CNTN3: variants seen among roughly 807,000 people sequenced by gnomAD.
The protein encoded by CNTN3 is contactin-3.
CNTN3 carries 60 observed loss-of-function variants against 119.1 expected under a neutral mutation model. The ratio of observed to expected loss-of-function variants is 0.50; its 90% confidence interval spans 0.41 to 0.62. The LOEUF is 0.62. Ranked by LOEUF, CNTN3 falls within the 20% of genes least tolerant of loss-of-function variation. The pLI, the probability that CNTN3 is intolerant of heterozygous loss-of-function variation, is 0.00. For missense variants in CNTN3, 1,101 were observed against 1,242.4 expected, an observed-to-expected ratio of 0.89 and a Z score of 1.71; for synonymous variants, 450 against 438.7, an observed-to-expected ratio of 1.03 and a Z score of -0.32.
chr3:74,331,096 C>T (rs1369536503), intron 13 of CNTN3, among the ~76,000 whole-genome samples: 1 of 152,128 alleles, frequency 6.6e-6, no homozygotes, highest in Non-Finnish European at 1.5e-5. Flanking sequence ...CTAATGTTTT[C>T]AGTAGTGTAC....
chr3:74,423,484 G>C (rs924469444), intron 5 of CNTN3, among the ~76,000 whole-genome samples: 4 of 152,140 alleles, frequency 2.6e-5, no homozygotes, highest in Non-Finnish European at 5.9e-5. Context: ...GTGAGAGCTG[G>C]AGGCCATCCA....
intron 18 of CNTN3, 40 bp downstream of exon 18, chr3:74,297,917 A>G: frequency 6.9e-7 from 1 of 1,452,510 alleles, no homozygotes; most frequent in Non-Finnish European, 9.5e-7. Flanking sequence ...ACAAATAATT[A>G]TTATTAGGCG....
At chr3:74,409,723 T>A (rs1446990894) in intron 5 of CNTN3, among the ~76,000 whole-genome samples, 1 of 152,158 alleles carries the variant, frequency 6.6e-6, no homozygotes, top group African/African-American at 2.4e-5. Flanking sequence ...AGGTTATCTG[T>A]TTAATGCCAT....
chr3:74,349,933 A>G (rs1277312494), intron 11 of CNTN3, among the ~76,000 whole-genome samples: 2 of 152,208 alleles, frequency 1.3e-5, no homozygotes, highest in African/African-American at 4.8e-5. Flanking sequence ...AGTAGATTCA[A>G]ATCCCCAGCA....
chr3:74,331,188 C>T (rs921992809), intron 13 of CNTN3, among the ~76,000 whole-genome samples: 1 of 152,218 alleles, frequency 6.6e-6, no homozygotes, highest in African/African-American at 2.4e-5. Context: ...ACTCCATTCA[C>T]AGTAAGTGCC....
chr3:74,588,635 C>T (rs1038404910), intron 1 of CNTN3, among the ~76,000 whole-genome samples: 11 of 152,034 alleles, frequency 7.2e-5, no homozygotes, highest in African/African-American at 1.9e-4. Flanking sequence ...CAAAAAAGAG[C>T]CCGCATCACC....
intron 20 of CNTN3, among the ~76,000 whole-genome samples, chr3:74,273,720 G>C (rs1464482346): frequency 6.6e-6 from 1 of 152,200 alleles, no homozygotes; most frequent in Admixed American, 6.5e-5. Flanking sequence ...GATCCTTCGG[G>C]AGGGTGGCCA....
intron 17 of CNTN3, among the ~76,000 whole-genome samples, chr3:74,299,065 C>A (rs2323489): frequency 0.17 from 25,357 of 151,792 alleles, 3,038 homozygotes; most frequent in East Asian, 0.49. Context: ...AAATTACCCA[C>A]GCATGGTGGC....
chr3:74,369,119 A>T lies in CNTN3; in HGVS notation c.946+70T>A, dbSNP rs576360679. On this transcript the variant is annotated intron_variant, in intron 8 of 22. Coordinates refer to ENST00000263665, the MANE Select transcript of CNTN3 (RefSeq NM_020872.3). The stretch of plus-strand genomic sequence containing the variant: ...ATTCTGCTATAATCTCTCACCCCTA[A>T]ATAACAACCATATTTTATAGATGAG... 5.6e-6 allele frequency: 7 copies of T among 1,255,074 alleles called. No homozygotes were observed. In the African/African-American group the frequency reaches 1.1e-4, roughly 19 times the overall value. 77.7% of individuals were successfully genotyped at this position (1,255,074 alleles called of 1,614,324 possible). A position where few individuals can be genotyped will look rare whatever the true frequency, so the allele number is the denominator to read the frequency against.
intron 12 of CNTN3, 143 bp downstream of exon 12, chr3:74,336,388 A>C: frequency 1.2e-6 from 1 of 842,556 alleles, no homozygotes; most frequent in Non-Finnish European, 1.8e-6. Context: ...CTTGACTTTC[A>C]CCTGTTAAAA....
chr3:74,446,468 A>G (rs1702050035), intron 4 of CNTN3, among the ~76,000 whole-genome samples: 1 of 152,072 alleles, frequency 6.6e-6, no homozygotes, highest in Admixed American at 6.6e-5. Context: ...TAAACCTTAG[A>G]GCTGTGCTGT....
At chr3:74,299,493 A>G (rs1702410188) in intron 17 of CNTN3, among the ~76,000 whole-genome samples, 1 of 152,198 alleles carries the variant, frequency 6.6e-6, no homozygotes, top group Non-Finnish European at 1.5e-5. Context: ...AACAGCCGCA[A>G]CATAACTCAT....
At chr3:74,267,728 T>TA (rs1701691447) in intron 20 of CNTN3, among the ~76,000 whole-genome samples, 1 of 152,130 alleles carries the variant, frequency 6.6e-6, no homozygotes, top group East Asian at 1.9e-4. Flanking sequence ...ATTTCACACT[T>TA]ACTGTGTCTC....
intron 11 of CNTN3, among the ~76,000 whole-genome samples, chr3:74,340,462 G>C (rs1703506713): frequency 2.6e-5 from 4 of 152,018 alleles, no homozygotes; most frequent in African/African-American, 9.7e-5. Context: ...AGGAAAGAGA[G>C]AGCATGATTA....
intron 1 of CNTN3, among the ~76,000 whole-genome samples, chr3:74,551,827 G>A (rs1183965813): frequency 9.8e-5 from 13 of 133,070 alleles, no homozygotes; most frequent in East Asian, 4.8e-4. Flanking sequence ...GCAGTGGCGC[G>A]ATCTCGGTGC....
chr3:74,543,725 T>G (rs1368369922), intron 1 of CNTN3, among the ~76,000 whole-genome samples: 2 of 152,108 alleles, frequency 1.3e-5, no homozygotes, highest in African/African-American at 4.8e-5. Context: ...CACAAAAATA[T>G]GAGCAATATA....
chr3:74,396,575 T>C (rs1265675945), intron 5 of CNTN3, among the ~76,000 whole-genome samples: 1 of 125,942 alleles, frequency 7.9e-6, no homozygotes, highest in East Asian at 3.3e-4. Flanking sequence ...TGAAACACCA[T>C]CTCTACTAAA....
chr3:74,299,251 C>T (rs1036814228), intron 17 of CNTN3, among the ~76,000 whole-genome samples: 14 of 152,164 alleles, frequency 9.2e-5, no homozygotes, highest in Admixed American at 4.6e-4. Flanking sequence ...CAAAGCTATA[C>T]TTGAGTCGTG....
chr3:74,308,775 G>A (rs1702617235), intron 13 of CNTN3, among the ~76,000 whole-genome samples: 1 of 151,928 alleles, frequency 6.6e-6, no homozygotes, highest in African/African-American at 2.4e-5. Flanking sequence ...CCATATCCTG[G>A]TACCAAATGT....
Sources: allele counts gnomAD v4.1 joint callset (sites outside exome capture counted in the v4.1 genomes callset), GRCh38; gene constraint gnomAD v4.1.1; transcripts MANE v1.5; gene names NCBI Gene and HGNC (gene_info 2026-07-23, HGNC 2026-07-21).